Variants in CRK observed in about 807,000 individuals in gnomAD.
CRK encodes CRK proto-oncogene, adaptor protein.
CRK carries 4 observed loss-of-function variants against 29.8 expected under a neutral mutation model. The observed-to-expected ratio is 0.13, with a 90% CI of 0.07 to 0.31. The LOEUF (loss-of-function observed/expected upper bound fraction) is 0.31. CRK is among the 10% of genes least tolerant of loss of function. CRK has a pLI of 1.00. For synonymous variants in CRK, 153 were observed against 164.9 expected (o/e 0.93, Z 0.55); for missense variants, 274 against 396.5 (o/e 0.69, Z 2.62).
At position 1,456,091 on chromosome 17, in the gene CRK, C is replaced by T. The variant is rs748457687; in HGVS notation, c.27G>A (p.Glu9=). The T allele has an allele frequency of 6.4e-7, 1 of 1,560,916 alleles. No individual in the cohort carries two copies. The highest frequency in any genetic ancestry group is 1.9e-5 in the Admixed American group (1 of 52,762). Residue 9 remains glutamate, a synonymous_variant, in exon 1 of 3, where the codon GAG becomes GAA. Coordinates refer to ENST00000300574, the MANE Select transcript of CRK (RefSeq NM_016823.4). MAGNFDSE[E]RSSWYWGRLS... ...ACCTCCCCCAGTACCAGCTACTCCG[C>T]TCCTCCGAGTCGAAGTTGCCCGCCA...
In CRK at chr17:1,421,223, A is replaced by G. The variant is rs2073721287; in HGVS notation, c.*2290T>C. ...ACTGAGGAATCCTTAGGACTTGAGT[A>G]GCGCTGCCTGTTCCACTGATATTAC... On this transcript the variant is annotated 3_prime_UTR_variant, in exon 3 of 3. Transcript: ENST00000300574. 6.6e-6 allele frequency: 1 copy of G among 152,216 alleles called. No individual in the cohort carries two copies. Among genetic ancestry groups the G allele is most frequent in the Admixed American group, 6.6e-5 (1 of 15,264 alleles). 9.4% of individuals were successfully genotyped at this position (152,216 alleles called of 1,614,324 possible).
At chr17:1,452,097 C>T (rs1354100911) in intron 1 of CRK, among the ~76,000 whole-genome samples, 1 of 152,158 alleles carries the variant, frequency 6.6e-6, no homozygotes, top group Non-Finnish European at 1.5e-5. Flanking sequence ...GCCAAAAGAA[C>T]GCTGGCTTTG....
In CRK at chr17:1,423,638, C is replaced by G. The variant is rs1460550029; in HGVS notation, c.790G>C (p.Val264Leu). 4 of 1,613,868 alleles carry G rather than the reference C, an allele frequency of 2.5e-6. No homozygotes were observed. The African/African-American group carries it at 5.3e-5, about 22-fold the overall frequency. Residue 264 changes from valine to leucine, a missense_variant, in exon 3 of 3, where the codon GTA (valine) becomes CTA (leucine). This residue lies in a region of CRK where 121 missense variants were observed against 154.3 expected (regional missense o/e 0.78). Coordinates refer to ENST00000300574, the MANE Select transcript of CRK (RefSeq NM_016823.4). ...CTCACATTAATCTTCGTAACCTTTACCAGCTCACCGACCTGCAGGAGGAGA... is the reference window on the plus strand; with the variant it reads ...CTCACATTAATCTTCGTAACCTTTAGCAGCTCACCGACCTGCAGGAGGAGA... ...TALALEVGELVKVTKINVSGQ... is the reference protein window; with the variant it reads ...TALALEVGELLKVTKINVSGQ...
intron 1 of CRK, among the ~76,000 whole-genome samples, chr17:1,450,372 T>G (rs1017589851): frequency 6.6e-6 from 1 of 151,820 alleles, no homozygotes; most frequent in Admixed American, 6.6e-5. Context: ...CCGGGCATAG[T>G]GGCGGGCGCC....
rs547832824 is a variant in CRK, at chr17:1,435,955, C to T, written c.777+665G>A. On this transcript the variant is annotated intron_variant, in intron 2 of 2. Transcript: ENST00000300574. ...GAAGAGAGGAATAAAGGAATTAACA[C>T]CATGTAATGGCTGGCCAGAAGGAAG... 2.6e-5 allele frequency among the ~76,000 whole-genome samples: 4 copies of T among 152,216 alleles called. No homozygotes were observed. The South Asian group carries it at 8.3e-4, about 32-fold the overall frequency.
intron 1 of CRK, among the ~76,000 whole-genome samples, chr17:1,438,814 C>T (rs1485010747): frequency 5.3e-5 from 8 of 151,236 alleles, no homozygotes; most frequent in South Asian, 2.1e-4. Flanking sequence ...TCAAACAAAA[C>T]GAGTAAATTC....
chr17:1,455,579 C>G (rs2074049738), intron 1 of CRK, among the ~76,000 whole-genome samples: 1 of 152,106 alleles, frequency 6.6e-6, no homozygotes, highest in African/African-American at 2.4e-5. Flanking sequence ...CGTTGCCTTG[C>G]CCTGCCCTAC....
chr17:1,426,081 G>A (rs1022346344), intron 2 of CRK, among the ~76,000 whole-genome samples: 7 of 152,144 alleles, frequency 4.6e-5, no homozygotes, highest in South Asian at 2.1e-4. Context: ...GCTGGTGTGC[G>A]CCTGTGGTCC....
chr17:1,444,756 C>A (rs2073961580), intron 1 of CRK, among the ~76,000 whole-genome samples: 1 of 151,084 alleles, frequency 6.6e-6, no homozygotes, highest in African/African-American at 2.4e-5. Flanking sequence ...TCGCTGGAAC[C>A]CGGGAGGTGG....
intron 2 of CRK, among the ~76,000 whole-genome samples, chr17:1,426,812 A>C (rs1216507702): frequency 6.6e-6 from 1 of 151,804 alleles, no homozygotes; most frequent in Non-Finnish European, 1.5e-5. Context: ...CAGTGAGCCG[A>C]GACTGTGCCA....
chr17:1,454,338 C>T (rs566851837), intron 1 of CRK, among the ~76,000 whole-genome samples: 43 of 152,158 alleles, frequency 2.8e-4, no homozygotes, highest in Non-Finnish European at 5.6e-4. Context: ...GTCAGGAGTT[C>T]GAGACCAGCC....
chr17:1,427,395 C>A (rs960973241), intron 2 of CRK, among the ~76,000 whole-genome samples: 1 of 151,752 alleles, frequency 6.6e-6, no homozygotes. Flanking sequence ...AGATCCAGAC[C>A]ATCCTGGCTA....
At chr17:1,446,370 T>A (rs970915870) in intron 1 of CRK, among the ~76,000 whole-genome samples, 2 of 152,078 alleles carry the variant, frequency 1.3e-5, no homozygotes, top group Admixed American at 1.3e-4. Flanking sequence ...CTCTCTCCAC[T>A]GGAAGAAGGA....
chr17:1,429,220 G>A (rs1460920003), intron 2 of CRK, among the ~76,000 whole-genome samples: 4 of 151,940 alleles, frequency 2.6e-5, no homozygotes, highest in East Asian at 1.9e-4. Flanking sequence ...CACCGGGTAC[G>A]CTGGCCTGCA....
Position 1,423,054 on chromosome 17 carries a change from C to T in CRK, c.*459G>A, listed in dbSNP as rs1241028661. On this transcript the variant is annotated 3_prime_UTR_variant, in exon 3 of 3. Coordinates refer to ENST00000300574, the MANE Select transcript of CRK (RefSeq NM_016823.4). ...GCTCCATACAATGAAAGCAATCCTGCTTGATACTATTCACACGGTGCATGA... is the reference window on the plus strand; with the variant it reads ...GCTCCATACAATGAAAGCAATCCTGTTTGATACTATTCACACGGTGCATGA... The T allele has an allele frequency of 2.5e-6, 1 of 401,302 alleles. No individual in the cohort carries two copies. Among genetic ancestry groups the T allele is most frequent in the East Asian group, 3.6e-5 (1 of 28,158 alleles). 24.9% of individuals were successfully genotyped at this position (401,302 alleles called of 1,614,324 possible). A position where few individuals can be genotyped will look rare whatever the true frequency, so the allele number is the denominator to read the frequency against.
intron 2 of CRK, among the ~76,000 whole-genome samples, chr17:1,425,608 A>G (rs2073771070): frequency 6.6e-6 from 1 of 152,216 alleles, no homozygotes; most frequent in South Asian, 2.1e-4. Context: ...ATACAGTATC[A>G]GGAACTTTCA....
intron 2 of CRK, among the ~76,000 whole-genome samples, chr17:1,435,040 C>A (rs1473660364): frequency 2.0e-5 from 3 of 152,084 alleles, no homozygotes; most frequent in African/African-American, 7.2e-5. Context: ...CCTGGGTCAG[C>A]TGGCTTGTTC....
intron 2 of CRK, among the ~76,000 whole-genome samples, chr17:1,435,480 G>T (rs2073880069): frequency 6.9e-6 from 1 of 144,486 alleles, no homozygotes; most frequent in Non-Finnish European, 1.5e-5. Flanking sequence ...AAAAAAAAAA[G>T]AAAATAAAAA....
In CRK at chr17:1,425,278, G is replaced by C. The variant is rs567405130; in HGVS notation, c.778-1628C>G. 1.1e-4 allele frequency among the ~76,000 whole-genome samples: 17 copies of C among 151,572 alleles called. No individual in the cohort carries two copies. In the South Asian group the frequency reaches 3.3e-3, roughly 30 times the overall value. On this transcript the variant is annotated intron_variant, in intron 2 of 2. Transcript: ENST00000300574. ...CTAATTTTTTGTATTTTGTTTAGTA[G>C]AGATGGGGTTTCACCATGTTAGCCA...
Sources: gnomAD v4.1 joint callset for allele counts (sites outside exome capture counted in the v4.1 genomes callset) on GRCh38, gnomAD v4.1.1 for gene constraint, gnomAD v4.1.1 regional missense constraint, MANE v1.5 for transcripts, NCBI Gene and HGNC (gene_info 2026-07-23, HGNC 2026-07-21) for gene names.